The following NCOR2 variants were observed in gnomAD, a reference collection of about 807,000 sequenced individuals.
The protein encoded by NCOR2 is CTG repeat protein 26.
NCOR2 carries 81 observed loss-of-function variants against 262.9 expected under a neutral mutation model. The ratio of observed to expected loss-of-function variants is 0.31; its 90% CI spans 0.26 to 0.37. The LOEUF is 0.37. Ranked by LOEUF, NCOR2 falls within the 10% of genes least tolerant of loss-of-function variation. NCOR2 has a pLI of 1.00. For synonymous variants in NCOR2, 1,659 were observed against 1,559.3 expected (o/e 1.06, Z -1.51); for missense variants, 3,385 against 3,621.4 (o/e 0.93, Z 1.68).
chr12:124,392,938 G>A (rs2041411718), intron 16 of NCOR2, among the ~76,000 whole-genome samples: 1 of 152,220 alleles, frequency 6.6e-6, no homozygotes, highest in East Asian at 1.9e-4. Context: ...ACCAGGGCCT[G>A]GTCTTGCACA....
chr12:124,419,086 AG>A (rs1389139423), intron 13 of NCOR2, among the ~76,000 whole-genome samples: 1 of 152,124 alleles, frequency 6.6e-6, no homozygotes, highest in Non-Finnish European at 1.5e-5. Context: ...ATGCTTCAAG[AG>A]CCCGGATGCA....
chr12:124,429,662 C>T (rs371830068), exon 10 of NCOR2: 7 of 1,609,408 alleles, frequency 4.3e-6, no homozygotes, highest in Admixed American at 3.4e-5. Context: ...GTGCTCGCTG[C>T]GGGCGGCCGA....
intron 13 of NCOR2, among the ~76,000 whole-genome samples, chr12:124,416,644 C>T (rs1168101889): frequency 6.7e-6 from 1 of 149,086 alleles, no homozygotes; most frequent in Admixed American, 6.7e-5. Context: ...CAGATAGACC[C>T]GTGGCACAGG....
At chr12:124,422,365 G>C in intron 12 of NCOR2, 136 bp downstream of exon 14, 1 of 968,658 alleles carries the variant, frequency 1.0e-6, no homozygotes, top group Non-Finnish European at 1.6e-6. Flanking sequence ...GGAGGGAGGA[G>C]GGGAGCATGG....
rs562383461 is a variant in NCOR2 at position 124,443,126 on chromosome 12, G to A, written c.816-5130C>T. Among the ~76,000 whole-genome samples, 6 of 152,350 alleles carry A rather than the reference G, an allele frequency of 3.9e-5. No homozygotes were observed. The highest frequency in any genetic ancestry group is 7.3e-5 in the Non-Finnish European group (5 of 68,028). ...AAGTTCCTGCCATTTTCAGCTGCCC[G>A]GTTCACGGCCGAGTGTTAAGGCAGC... On this transcript the variant is annotated intron_variant, in intron 7 of 46. Coordinates refer to ENST00000405201, the Ensembl canonical transcript of NCOR2. This position sits in a 1 kb window ranked among gnomAD's most constrained non-coding sequence, Gnocchi z 4.4.
rs535666329 is a variant in NCOR2, at chr12:124,419,873, C to T, written c.1482+84G>A. On this transcript the variant is annotated intron_variant, in intron 13 of 46. Coordinates refer to ENST00000405201, the Ensembl canonical transcript of NCOR2. Reference sequence around the variant, plus strand: ...ACTCATGGAGACAGTTACCGCCAGCCATGCGGGGTGCTGGCCACCAAGCAA... The same window carrying T: ...ACTCATGGAGACAGTTACCGCCAGCTATGCGGGGTGCTGGCCACCAAGCAA... 3.4e-5 allele frequency: 42 copies of T among 1,229,304 alleles called. 2 individuals carry two copies. The South Asian group carries it at 5.0e-4, about 15-fold the overall frequency. 76.1% of individuals were successfully genotyped at this position (1,229,304 alleles called of 1,614,324 possible). A position where few individuals can be genotyped will look rare whatever the true frequency, so the allele number is the denominator to read the frequency against.
At chr12:124,406,298 TC>T (rs1187860779) in intron 13 of NCOR2, among the ~76,000 whole-genome samples, 1 of 152,182 alleles carries the variant, frequency 6.6e-6, no homozygotes, top group Admixed American at 6.5e-5. Flanking sequence ...AGCACTCTGC[TC>T]CAGGCCAGTG....
At chr12:124,349,275 C>A (rs2037222037) in intron 28 of NCOR2, among the ~76,000 whole-genome samples, 2 of 152,188 alleles carry the variant, frequency 1.3e-5, no homozygotes, top group East Asian at 1.9e-4. Context: ...CCTTCCAGGG[C>A]AGCCGAGTCC....
At chr12:124,423,563 C>A (rs2043346155) in intron 11 of NCOR2, among the ~76,000 whole-genome samples, 1 of 152,242 alleles carries the variant, frequency 6.6e-6, no homozygotes, top group Non-Finnish European at 1.5e-5. Flanking sequence ...TGGGATCCCA[C>A]CTCGGGCGGC....
chr12:124,456,903 C>A (rs979876894), intron 6 of NCOR2, among the ~76,000 whole-genome samples: 1 of 151,272 alleles, frequency 6.6e-6, no homozygotes, highest in African/African-American at 2.4e-5. Flanking sequence ...TCCCCACCCC[C>A]ACCCAGCCCA....
At chr12:124,478,923 G>T (rs1226828849) in intron 3 of NCOR2, among the ~76,000 whole-genome samples, 1 of 152,098 alleles carries the variant, frequency 6.6e-6, no homozygotes, top group East Asian at 1.9e-4. Context: ...CCCAGAGGGC[G>T]CACCACAGGC....
chr12:124,539,721 C>G (rs2051231432), upstream of NCOR2: 1 of 152,518 alleles, frequency 6.6e-6, no homozygotes, highest in South Asian at 2.1e-4. This position sits in a 1 kb window ranked among gnomAD's most constrained non-coding sequence, Gnocchi z 5.1. Context: ...CCCTTGTCAG[C>G]TCCCAAACAA....
chr12:124,361,235 G>A (rs1308779821), intron 22 of NCOR2, among the ~76,000 whole-genome samples: 3 of 152,192 alleles, frequency 2.0e-5, no homozygotes, highest in African/African-American at 7.2e-5. Flanking sequence ...TGCTGGTCAG[G>A]AGGTCGGCCT....
rs375820090 is a variant in NCOR2 at position 124,353,145 on chromosome 12, T to C, written c.3693+948A>G. ...GAGGTTCGAGGAAGGGCGCGGGTCA[T>C]GGCCACTCAGGAACCCAGAGCAGGT... is the stretch of plus-strand genomic sequence containing the variant. On this transcript the variant is annotated intron_variant, in intron 27 of 46. Transcript: ENST00000405201. Among the ~76,000 whole-genome samples, 82 of 152,298 alleles carry C rather than the reference T, an allele frequency of 5.4e-4. 3 individuals are homozygous for C. In the South Asian group the frequency reaches 0.017, roughly 31 times the overall value.
At chr12:124,391,651 A>G (rs552055983) in intron 16 of NCOR2, among the ~76,000 whole-genome samples, 6 of 151,886 alleles carry the variant, frequency 4.0e-5, no homozygotes, top group African/African-American at 1.2e-4. Flanking sequence ...CTGGACTTGC[A>G]CCTCCCCACT....
At position 124,566,280 on chromosome 12, in the gene NCOR2, C is replaced by T. The variant is rs570382069; in HGVS notation, c.-165+1028G>A. ...AGAACAGATCCGCCCCCGCTGCCTG[C>T]ACCAGACCCTCGGAGAGCCGGAGCG... On this transcript the variant is annotated intron_variant, in intron 1 of 32. Transcript: ENST00000458234. The surrounding 1 kb of genome is among the most constrained non-coding windows in gnomAD (Gnocchi z 4.3). Among the ~76,000 whole-genome samples, 6 of 152,342 alleles carry T rather than the reference C, an allele frequency of 3.9e-5. No individual in the cohort carries two copies. The South Asian group carries it at 1.2e-3, about 32-fold the overall frequency.
At chr12:124,428,070 T>TGTGTGTGTGTGTGTGC (rs2043675402) in intron 10 of NCOR2, among the ~76,000 whole-genome samples, 1 of 150,180 alleles carries the variant, frequency 6.7e-6, no homozygotes, top group Non-Finnish European at 1.5e-5. Context: ...TGTGTGTGTG[T>TGTGTGTGTGTGTGTGC]GTGTGTGTGT....
chr12:124,508,404 G>A (rs928004495), intron 1 of NCOR2, among the ~76,000 whole-genome samples: 2 of 152,232 alleles, frequency 1.3e-5, no homozygotes, highest in East Asian at 1.9e-4. Flanking sequence ...CAGGAGTGGC[G>A]ACGGCTGAAG....
intron 22 of NCOR2, among the ~76,000 whole-genome samples, chr12:124,358,473 C>G (rs1486618880): frequency 6.6e-6 from 1 of 152,118 alleles, no homozygotes; most frequent in African/African-American, 2.4e-5. Context: ...AAGCCCAGAC[C>G]CTCCAAGTAA....
Sources: allele counts gnomAD v4.1 joint callset (sites outside exome capture counted in the v4.1 genomes callset), GRCh38; gene constraint gnomAD v4.1.1; non-coding constraint Gnocchi (gnomAD v3.1); transcripts MANE v1.5; gene names NCBI Gene and HGNC (gene_info 2026-07-23, HGNC 2026-07-21).